The following ERC2 variants were observed in gnomAD, a reference collection of about 807,000 sequenced individuals.
ERC2 encodes the protein ERC protein 2.
ERC2 carries 42 observed loss-of-function variants against 114.8 expected under a neutral mutation model. The observed-to-expected ratio is 0.37, with a 90% CI of 0.29 to 0.47. The LOEUF is 0.47. Among genes scored for constraint, ERC2 ranks in the 20% least tolerant of loss-of-function variants. The probability of loss-of-function intolerance (pLI) is 0.99; values close to 1 mark genes in which losing one functional copy is unlikely to be tolerated. For missense variants in ERC2, 939 were observed against 1,150.7 expected (o/e 0.82, Z 2.66); for synonymous variants, 454 against 425.5 (o/e 1.07, Z -0.82).
intron 13 of ERC2, among the ~76,000 whole-genome samples, chr3:55,912,112 G>A (rs548226784): frequency 4.6e-5 from 7 of 152,196 alleles, no homozygotes; most frequent in African/African-American, 7.2e-5. Context: ...TCAGACATCC[G>A]TTTTAAAGAA....
chr3:55,768,030 G>A (rs1187713929), intron 14 of ERC2, among the ~76,000 whole-genome samples: 1 of 152,114 alleles, frequency 6.6e-6, no homozygotes, highest in Non-Finnish European at 1.5e-5. Context: ...TTAAAAGTGT[G>A]TAGCACCTCC....
intron 17 of ERC2, among the ~76,000 whole-genome samples, chr3:55,652,295 T>C (rs114617730): frequency 1.3e-5 from 2 of 152,262 alleles, no homozygotes; most frequent in Admixed American, 6.5e-5. Flanking sequence ...TGAGGCATTC[T>C]GGAACAGTTT....
chr3:55,554,797 C>T (rs190706593), intron 17 of ERC2, among the ~76,000 whole-genome samples: 13 of 152,228 alleles, frequency 8.5e-5, no homozygotes, highest in Admixed American at 6.5e-4. Context: ...CCTAGGGGCA[C>T]TGTCAGCCTC....
intron 17 of ERC2, among the ~76,000 whole-genome samples, chr3:55,542,231 C>T (rs2054444923): frequency 6.6e-6 from 1 of 152,208 alleles, no homozygotes. Context: ...TCACCACTCC[C>T]TTGTGCCACG....
chr3:55,615,316 T>C (rs1316156031), intron 17 of ERC2, among the ~76,000 whole-genome samples: 1 of 152,224 alleles, frequency 6.6e-6, no homozygotes, highest in Non-Finnish European at 1.5e-5. Context: ...GGTTAACATA[T>C]CAGATTTCAT....
intron 7 of ERC2, among the ~76,000 whole-genome samples, chr3:56,063,727 G>A (rs1379162846): frequency 1.3e-5 from 2 of 152,156 alleles, no homozygotes; most frequent in East Asian, 1.9e-4. Flanking sequence ...ACTGAAGCAT[G>A]CATGTATGTA....
At chr3:56,413,477 C>G (rs1323801873) in intron 2 of ERC2, among the ~76,000 whole-genome samples, 1 of 152,106 alleles carries the variant, frequency 6.6e-6, no homozygotes, top group Non-Finnish European at 1.5e-5. Context: ...GCTTCCTTAC[C>G]TAATCAAAAA....
chr3:56,432,296 C>A (rs1230326692), intron 2 of ERC2, among the ~76,000 whole-genome samples: 1 of 152,130 alleles, frequency 6.6e-6, no homozygotes, highest in South Asian at 2.1e-4. Flanking sequence ...TTGGAGCTAA[C>A]AGTTTAAAGA....
intron 14 of ERC2, among the ~76,000 whole-genome samples, chr3:55,781,876 G>GAAAA (rs532360945): frequency 2.5e-5 from 2 of 81,232 alleles, no homozygotes; most frequent in African/African-American, 7.5e-5. Context: ...CAGCCTCACA[G>GAAAA]AAAAAAAAAA....
chr3:55,872,718 A>C (rs2062641709), intron 14 of ERC2, among the ~76,000 whole-genome samples: 1 of 152,164 alleles, frequency 6.6e-6, no homozygotes. Flanking sequence ...AATAGTGGAA[A>C]ACGCTCCTCT....
chr3:55,695,509 G>C (rs962500220), intron 16 of ERC2, among the ~76,000 whole-genome samples: 2 of 152,118 alleles, frequency 1.3e-5, no homozygotes, highest in Non-Finnish European at 2.9e-5. Flanking sequence ...CACCCCCTCA[G>C]TAATCCCTCA....
chr3:56,354,361 A>G (rs765958865), intron 2 of ERC2, among the ~76,000 whole-genome samples: 16 of 152,210 alleles, frequency 1.1e-4, no homozygotes, highest in Non-Finnish European at 2.4e-4. Context: ...AATGTACATC[A>G]GCAATTCTCA....
intron 3 of ERC2, among the ~76,000 whole-genome samples, chr3:56,293,131 T>C (rs1352107950): frequency 6.6e-6 from 1 of 152,244 alleles, no homozygotes; most frequent in Non-Finnish European, 1.5e-5. Flanking sequence ...AATAAATGAA[T>C]GAATGAATGA....
rs73831822 is a variant in ERC2 at position 55,968,542 on chromosome 3, C to T, written c.2267+17435G>A. On this transcript the variant is annotated intron_variant, in intron 12 of 17. Transcript: ENST00000288221. ...CAGACCTGTGCAGTTTGCTGAAATG[C>T]TTTTCTCCAGGCCGTCAAAAACACC... 2.5e-3 allele frequency among the ~76,000 whole-genome samples: 383 copies of T among 152,280 alleles called. 1 individual carries two copies. The highest frequency in any genetic ancestry group is 9.0e-3 in the African/African-American group (376 of 41,564).
At chr3:56,085,182 T>C (rs1350207808) in intron 6 of ERC2, among the ~76,000 whole-genome samples, 1 of 152,078 alleles carries the variant, frequency 6.6e-6, no homozygotes, top group African/African-American at 2.4e-5. Flanking sequence ...ATTATTGGAG[T>C]AGAATATCCT....
chr3:55,970,844 G>C (rs970711906), intron 12 of ERC2, among the ~76,000 whole-genome samples: 1 of 152,108 alleles, frequency 6.6e-6, no homozygotes, highest in East Asian at 1.9e-4. Flanking sequence ...CAGATATACA[G>C]CCATGAGAAG....
chr3:56,149,893 A>C (rs765891014), intron 4 of ERC2, among the ~76,000 whole-genome samples: 13 of 152,212 alleles, frequency 8.5e-5, no homozygotes, highest in Non-Finnish European at 1.6e-4. Flanking sequence ...GACAGACTCT[A>C]TACACAAGGT....
chr3:55,562,149 C>A (rs997264993), intron 17 of ERC2, among the ~76,000 whole-genome samples: 2 of 152,222 alleles, frequency 1.3e-5, no homozygotes, highest in Non-Finnish European at 2.9e-5. Context: ...AATTCTCCCG[C>A]TGCCTTCTTT....
chr3:55,540,879 G>C (rs970669104), intron 17 of ERC2, among the ~76,000 whole-genome samples: 1 of 152,186 alleles, frequency 6.6e-6, no homozygotes, highest in Non-Finnish European at 1.5e-5. Flanking sequence ...GTCCTGGAAG[G>C]GTTGGCTGTT....
Sources: allele counts gnomAD v4.1 joint callset (sites outside exome capture counted in the v4.1 genomes callset), GRCh38; gene constraint gnomAD v4.1.1; transcripts MANE v1.5; gene names NCBI Gene and HGNC (gene_info 2026-07-23, HGNC 2026-07-21).